Variants in GASK1A observed in about 807,000 individuals in gnomAD.
GASK1A encodes Golgi-associated kinase 1A.
GASK1A carries 40 observed loss-of-function variants against 41.2 expected under a neutral mutation model. That is an observed-to-expected ratio of 0.97 (90% CI 0.75 to 1.27). The LOEUF (loss-of-function observed/expected upper bound fraction) is 1.27, where lower values mean the gene tolerates loss of function less well. GASK1A is among the 50% of genes most tolerant of loss of function. GASK1A has a pLI of 0.00. For synonymous variants in GASK1A, 316 were observed against 307.1 expected (o/e 1.03, Z -0.30); for missense variants, 678 against 745.1 (o/e 0.91, Z 1.05).
chr3:43,011,359 C>T (rs139391014), intron 1 of GASK1A, among the ~76,000 whole-genome samples: 1,384 of 137,592 alleles, frequency 0.01, 11 homozygotes, highest in Middle Eastern at 0.03. Flanking sequence ...TCCAGCCTGG[C>T]GACAGAGTGA....
Position 43,056,203 on chromosome 3 carries a change from C to T in GASK1A, c.1545C>T (p.Leu515=), listed in dbSNP as rs201218318. 2.2e-4 allele frequency: 342 copies of T among 1,551,446 alleles called. 1 individual carries two copies. The Middle Eastern group carries it at 9.7e-3, about 44-fold the overall frequency. ...DGFPESAVKV[L]ASGCLQNMLL... ...TTCCTGAGTCTGCCGTGAAGGTTCT[C>T]GCATCAGGGTGTCTACAGAACATGC... Residue 515 remains leucine, a synonymous_variant, in exon 5 of 5, where the codon CTC becomes CTT. Coordinates refer to ENST00000430121, the MANE Select transcript of GASK1A (RefSeq NM_001129908.3).
At chr3:43,025,543 C>A (rs1472145028) in intron 1 of GASK1A, among the ~76,000 whole-genome samples, 1 of 152,202 alleles carries the variant, frequency 6.6e-6, no homozygotes, top group Non-Finnish European at 1.5e-5. Flanking sequence ...CTTCCTGGTC[C>A]ATGTCACTCC....
intron 1 of GASK1A, among the ~76,000 whole-genome samples, chr3:43,014,953 G>A (rs1481918072): frequency 6.6e-6 from 1 of 151,350 alleles, no homozygotes; most frequent in Non-Finnish European, 1.5e-5. Context: ...GGCTTGTGTG[G>A]TCACAGGAAG....
At chr3:43,049,518 G>A (rs2089678374) in intron 2 of GASK1A, among the ~76,000 whole-genome samples, 1 of 152,172 alleles carries the variant, frequency 6.6e-6, no homozygotes, top group African/African-American at 2.4e-5. Context: ...TTGCTAATTG[G>A]CTTATCGCAT....
chr3:42,999,389 C>T (rs1203447482), intron 1 of GASK1A, among the ~76,000 whole-genome samples: 1 of 152,234 alleles, frequency 6.6e-6, no homozygotes, highest in Non-Finnish European at 1.5e-5. Flanking sequence ...AGGTGCCCAG[C>T]AACCTCTGTC....
chr3:43,012,093 C>T (rs2089466350), intron 1 of GASK1A, among the ~76,000 whole-genome samples: 1 of 150,100 alleles, frequency 6.7e-6, no homozygotes. Context: ...TGTGAAGCCA[C>T]AGGAAGGGGA....
At chr3:43,007,054 A>T (rs2125678539) in intron 1 of GASK1A, among the ~76,000 whole-genome samples, 1 of 152,362 alleles carries the variant, frequency 6.6e-6, no homozygotes, top group Middle Eastern at 3.4e-3. Context: ...GAAGCTCAGG[A>T]TAGGTGGCCC....
intron 1 of GASK1A, among the ~76,000 whole-genome samples, chr3:43,017,305 CAGGAAGGGGCAGTGTGAAGTCAT>C (rs1359840799): frequency 1.7e-4 from 26 of 150,412 alleles, no homozygotes; most frequent in African/African-American, 6.2e-4. Context: ...TGTGAAGTCA[CAGGAAGGGGCAGTGTGAAGTCAT>C]AGGAAGGGGC....
chr3:43,023,140 T>C (rs1411092885), intron 1 of GASK1A, among the ~76,000 whole-genome samples: 2 of 152,194 alleles, frequency 1.3e-5, no homozygotes, highest in Non-Finnish European at 2.9e-5. Context: ...AGGTGGACCC[T>C]AAATGCCATC....
intron 1 of GASK1A, among the ~76,000 whole-genome samples, chr3:42,999,332 C>T (rs1184287898): frequency 6.6e-6 from 1 of 152,244 alleles, no homozygotes; most frequent in African/African-American, 2.4e-5. Flanking sequence ...ACTGGTGCTT[C>T]TCCTCCACAG....
rs1274701747 is a variant in GASK1A, at chr3:43,025,528, C to T, written c.4-6739C>T. On this transcript the variant is annotated intron_variant, in intron 1 of 4. Coordinates refer to ENST00000430121, the MANE Select transcript of GASK1A (RefSeq NM_001129908.3). ...AAGTCTAACTGGGATAGGTGGATCA[C>T]CTCACTTCCTGGTCCATGTCACTCC... Among the ~76,000 whole-genome samples, 3 of 152,200 alleles carry T rather than the reference C, an allele frequency of 2.0e-5. No individual in the cohort carries two copies. The South Asian group carries it at 6.2e-4, about 32-fold the overall frequency.
intron 1 of GASK1A, among the ~76,000 whole-genome samples, chr3:43,009,205 T>C (rs2089451108): frequency 6.6e-6 from 1 of 152,174 alleles, no homozygotes; most frequent in African/African-American, 2.4e-5. Context: ...CTCCTGTGTA[T>C]CCTTCAGCGC....
Position 43,002,138 on chromosome 3 carries a change from C to G in GASK1A, c.3+22493C>G, listed in dbSNP as rs530849736. Among the ~76,000 whole-genome samples, 115 of 152,312 alleles carry G rather than the reference C, an allele frequency of 7.6e-4. 1 individual carries two copies. The highest frequency in any genetic ancestry group is 1.5e-3 in the Non-Finnish European group (101 of 68,010). Reference sequence around the variant, plus strand: ...AGGTCCGCATTCAAACATTCGTCTTCCCAGAATCCTCCTTGTTAGATGGTC... The same window carrying G: ...AGGTCCGCATTCAAACATTCGTCTTGCCAGAATCCTCCTTGTTAGATGGTC... On this transcript the variant is annotated intron_variant, in intron 1 of 4. Coordinates refer to ENST00000430121, the MANE Select transcript of GASK1A (RefSeq NM_001129908.3).
chr3:42,982,879 G>A (rs1055584834), intron 1 of GASK1A, among the ~76,000 whole-genome samples: 16 of 152,194 alleles, frequency 1.1e-4, no homozygotes, highest in African/African-American at 3.9e-4. Context: ...AGTCCCAGGG[G>A]AGCCCACATG....
At chr3:43,023,597 G>A (rs1274102972) in intron 1 of GASK1A, among the ~76,000 whole-genome samples, 1 of 152,092 alleles carries the variant, frequency 6.6e-6, no homozygotes, top group African/African-American at 2.4e-5. Flanking sequence ...TTGGTATATG[G>A]GTTTTTAACA....
chr3:43,016,126 G>A (rs1391884345), intron 1 of GASK1A, among the ~76,000 whole-genome samples: 1 of 151,832 alleles, frequency 6.6e-6, no homozygotes, highest in Non-Finnish European at 1.5e-5. Flanking sequence ...GAAGCCCCGG[G>A]AAGGGGCATA....
chr3:43,013,555 C>A (rs2089475002), intron 1 of GASK1A, among the ~76,000 whole-genome samples: 1 of 148,698 alleles, frequency 6.7e-6, no homozygotes. Flanking sequence ...CATTGTGAAG[C>A]CACAGGGAGG....
intron 3 of GASK1A, among the ~76,000 whole-genome samples, chr3:43,054,447 T>C (rs2089706673): frequency 6.6e-6 from 1 of 152,178 alleles, no homozygotes; most frequent in Non-Finnish European, 1.5e-5. Context: ...TTACCCCTGG[T>C]GAGCAGGCAT....
intron 1 of GASK1A, among the ~76,000 whole-genome samples, chr3:43,017,041 G>T: frequency 6.6e-6 from 1 of 152,104 alleles, no homozygotes; most frequent in East Asian, 1.9e-4. Flanking sequence ...GTCACAGGAA[G>T]TGTTGTGTGA....
Sources: allele counts gnomAD v4.1 joint callset (sites outside exome capture counted in the v4.1 genomes callset), GRCh38; gene constraint gnomAD v4.1.1; transcripts MANE v1.5; gene names NCBI Gene and HGNC (gene_info 2026-07-23, HGNC 2026-07-21).